Variants in SLC35D1 observed in about 807,000 individuals in gnomAD.
SLC35D1 encodes solute carrier family 35 member D1.
A neutral mutation model predicts 46.7 loss-of-function variants in SLC35D1; 31 were observed. The ratio of observed to expected loss-of-function variants is 0.66; its 90% confidence interval spans 0.50 to 0.90. SLC35D1 has a LOEUF of 0.90. Ranked by LOEUF, SLC35D1 falls within the 40% of genes least tolerant of loss-of-function variation. The pLI, the probability that SLC35D1 is intolerant of heterozygous loss-of-function variation, is 0.00. For synonymous variants in SLC35D1, 195 were observed against 164.6 expected, an observed-to-expected ratio of 1.18 and a Z score of -1.41; for missense variants, 397 against 426.2, an observed-to-expected ratio of 0.93 and a Z score of 0.60.
Position 67,049,845 on chromosome 1 carries a change from G to C in SLC35D1, c.470C>G (p.Thr157Ser), listed in dbSNP as rs1247662951. 6.2e-7 allele frequency: 1 copy of C among 1,612,886 alleles called. No individual in the cohort carries two copies. Among genetic ancestry groups the C allele is most frequent in the Non-Finnish European group, 8.5e-7 (1 of 1,179,384 alleles). The change falls in exon 6 of 12, where the codon ACT (threonine) becomes AGT (serine). Residue 157 changes from threonine to serine, a missense_variant. Physicochemically the swap from Thr to Ser is moderately conservative, Grantham distance 58. Coordinates refer to ENST00000235345, the MANE Select transcript of SLC35D1 (RefSeq NM_015139.3). ...AGTCATTTTAATACCCCAAGAAAAA[G>C]TCTTCCTACAAAACAAAAAATTTTA... The part of the protein sequence containing the change: ...MFAEGVLLKK[T>S]FSWGIKMTVF...
chr1:67,053,754 C>G, intron 1 of SLC35D1, 57 bp downstream of exon 1: 1 of 1,344,236 alleles, frequency 7.4e-7, no homozygotes, highest in South Asian at 1.7e-5. Flanking sequence ...CGGCGCCGCG[C>G]CGCCGCCGCC....
chr1:66,998,200 G>A (rs1394007930), downstream of SLC35D1, among the ~76,000 whole-genome samples: 1 of 152,036 alleles, frequency 6.6e-6, no homozygotes, highest in Admixed American at 6.5e-5. Context: ...AAAGTAAGTG[G>A]GATCTTGGCT....
chr1:66,995,570 G>A (rs1317910402), downstream of SLC35D1, among the ~76,000 whole-genome samples: 2 of 150,484 alleles, frequency 1.3e-5, no homozygotes, highest in Admixed American at 6.7e-5. Context: ...TGAGGGCAGG[G>A]GAGCCTATTT....
intron 10 of SLC35D1, 74 bp downstream of exon 10, chr1:67,020,295 A>C: frequency 1.0e-6 from 1 of 978,336 alleles, no homozygotes; most frequent in Non-Finnish European, 1.7e-6. Context: ...TAAGGCCATC[A>C]ACAGACTCTT....
chr1:67,032,140 T>C (rs1181354750), intron 8 of SLC35D1: 2 of 958,936 alleles, frequency 2.1e-6, no homozygotes, highest in East Asian at 2.3e-4. Flanking sequence ...AGATGCTTCT[T>C]AGGCTTTCCT....
intron 11 of SLC35D1, among the ~76,000 whole-genome samples, chr1:67,007,112 A>G (rs1010067004): frequency 2.6e-5 from 4 of 152,196 alleles, no homozygotes; most frequent in Non-Finnish European, 5.9e-5. Context: ...ACTCAGAACC[A>G]GAGGGGAGAT....
At chr1:67,029,817 C>T (rs1667982105) in intron 8 of SLC35D1, among the ~76,000 whole-genome samples, 1 of 152,090 alleles carries the variant, frequency 6.6e-6, no homozygotes, top group South Asian at 2.1e-4. Context: ...GAAACTGGAC[C>T]AGAATCTCAA....
intron 10 of SLC35D1, among the ~76,000 whole-genome samples, chr1:67,012,021 T>C (rs1205235249): frequency 1.3e-5 from 2 of 152,188 alleles, no homozygotes; most frequent in Non-Finnish European, 2.9e-5. Flanking sequence ...TCTGATCAAG[T>C]GGAAGCACTC....
intron 10 of SLC35D1, among the ~76,000 whole-genome samples, chr1:67,010,837 G>C (rs1205589224): frequency 6.6e-6 from 1 of 152,152 alleles, no homozygotes; most frequent in Non-Finnish European, 1.5e-5. Flanking sequence ...TAAGATAGCT[G>C]TCAGAAAGCC....
At chr1:67,047,803 T>TG (rs1433145004) in intron 6 of SLC35D1, among the ~76,000 whole-genome samples, 2 of 152,166 alleles carry the variant, frequency 1.3e-5, no homozygotes, top group Non-Finnish European at 2.9e-5. Flanking sequence ...CATAGGTAGT[T>TG]GGGCCCCTGG....
chr1:67,049,659 C>G, intron 6 of SLC35D1, 123 bp downstream of exon 6: 1 of 897,044 alleles, frequency 1.1e-6, no homozygotes, highest in Non-Finnish European at 1.8e-6. Context: ...CAAGAGTCTT[C>G]TAGATGCTTT....
At chr1:67,013,847 CT>C (rs1667626409) in intron 10 of SLC35D1, among the ~76,000 whole-genome samples, 1 of 152,100 alleles carries the variant, frequency 6.6e-6, no homozygotes, top group Non-Finnish European at 1.5e-5. Flanking sequence ...CTACTTGTTT[CT>C]TTGTGAGTTT....
chr1:66,997,515 A>AT (rs1553262604), downstream of SLC35D1, among the ~76,000 whole-genome samples: 18 of 28,062 alleles, frequency 6.4e-4, no homozygotes, highest in South Asian at 2.6e-3. Context: ...AAAAAAAAAA[A>AT]AAAAATATAT....
chr1:66,976,251 C>G, the SLC35D1 span, among the ~76,000 whole-genome samples: 1 of 152,206 alleles, frequency 6.6e-6, no homozygotes, highest in Non-Finnish European at 1.5e-5. Context: ...ATCCACCCCC[C>G]TTGGCCTCCC....
At chr1:67,024,836 G>A (rs990031772) in intron 8 of SLC35D1, among the ~76,000 whole-genome samples, 10 of 151,884 alleles carry the variant, frequency 6.6e-5, no homozygotes, top group African/African-American at 2.2e-4. Flanking sequence ...CTTGAACTCC[G>A]AAACTTAAAT....
At chr1:66,991,794 C>CTTTT in the SLC35D1 span, among the ~76,000 whole-genome samples, 4 of 149,152 alleles carry the variant, frequency 2.7e-5, no homozygotes, top group African/African-American at 9.8e-5. Context: ...ATATTTACAG[C>CTTTT]TTTTTTTTTT....
chr1:67,051,836 CATAAACT>C (rs1474437005), intron 4 of SLC35D1, among the ~76,000 whole-genome samples, 169 bp downstream of exon 4: 1 of 152,058 alleles, frequency 6.6e-6, no homozygotes, highest in Admixed American at 6.6e-5. Context: ...AAGAAAAGAG[CATAAACT>C]ATAAACTAAA....
rs375942356 is a variant in SLC35D1, at chr1:67,042,202, C to T, written c.729+34G>A. On this transcript the variant is annotated intron_variant, in intron 8 of 11. Transcript: ENST00000235345. The stretch of plus-strand genomic sequence containing the variant: ...CATAAATAATAATGCAGTTCATCAA[C>T]GTAAGCCATTAAACCGTAATTAGAA... The T allele has an allele frequency of 1.1e-5, 17 of 1,533,196 alleles. No homozygotes were observed. The Admixed American group carries it at 1.7e-4, about 15-fold the overall frequency. 95.0% of individuals were successfully genotyped at this position (1,533,196 alleles called of 1,614,324 possible).
chr1:67,016,913 T>C (rs1391237211), intron 10 of SLC35D1, among the ~76,000 whole-genome samples: 1 of 152,158 alleles, frequency 6.6e-6, no homozygotes, highest in Non-Finnish European at 1.5e-5. Context: ...TCTACACAGT[T>C]CCTTTATAAG....
Sources: gnomAD v4.1 joint callset for allele counts (sites outside exome capture counted in the v4.1 genomes callset) on GRCh38, gnomAD v4.1.1 for gene constraint, MANE v1.5 for transcripts, NCBI Gene and HGNC (gene_info 2026-07-23, HGNC 2026-07-21) for gene names.